DACH2: variants seen among roughly 807,000 people sequenced by gnomAD.
The protein encoded by DACH2 is dachshund family transcription factor 2.
Under a neutral mutation model 35.8 loss-of-function variants are expected in DACH2, and 17 were observed. The observed-to-expected ratio is 0.48, with a 90% CI of 0.33 to 0.71. DACH2 has a LOEUF of 0.71. Ranked by LOEUF, DACH2 falls within the 30% of genes least tolerant of loss-of-function variation. The pLI is 0.02. For synonymous variants in DACH2, 195 were observed against 177.3 expected (o/e 1.10, Z -0.79); for missense variants, 469 against 472.7 (o/e 0.99, Z 0.07).
rs552856267 is a variant in DACH2, at chrX:86,456,656, G to A, written c.528-57623G>A. Among the ~76,000 whole-genome samples, 18 of 110,125 alleles carry A rather than the reference G, an allele frequency of 1.6e-4. No homozygotes were observed. In the South Asian group the frequency reaches 2.3e-3, roughly 14 times the overall value. ...AAAATTATTTTCATTTATTCCTTCCGTAATGTTCTTTTTTTTTATGTAGAT... is the reference window on the plus strand; with the variant it reads ...AAAATTATTTTCATTTATTCCTTCCATAATGTTCTTTTTTTTTATGTAGAT... On this transcript the variant is annotated intron_variant, in intron 2 of 11. Coordinates refer to ENST00000373125, the MANE Select transcript of DACH2 (RefSeq NM_053281.3).
At chrX:86,257,075 A>T (rs2033534944) in intron 1 of DACH2, among the ~76,000 whole-genome samples, 1 of 111,730 alleles carries the variant, frequency 9.0e-6, no homozygotes, top group Admixed American at 9.5e-5. Context: ...TGTATGATGA[A>T]TACTTTTGTG....
At chrX:86,184,649 G>A (rs189446867) in intron 1 of DACH2, among the ~76,000 whole-genome samples, 1 of 111,444 alleles carries the variant, frequency 9.0e-6, no homozygotes, top group Non-Finnish European at 1.9e-5. Context: ...ACTTTATAAT[G>A]GTAAAATGAA....
At chrX:86,800,688 G>C (rs1288669323) in intron 7 of DACH2, among the ~76,000 whole-genome samples, 1 of 111,324 alleles carries the variant, frequency 9.0e-6, no homozygotes, top group East Asian at 2.8e-4. Context: ...TTTGTTTTTT[G>C]AGATGGAGTC....
chrX:86,728,174 G>A (rs900979684), intron 6 of DACH2, among the ~76,000 whole-genome samples: 2 of 111,931 alleles, frequency 1.8e-5, no homozygotes, highest in Non-Finnish European at 3.8e-5. Flanking sequence ...TTATACCTTA[G>A]CAAAGATCCT....
intron 6 of DACH2, among the ~76,000 whole-genome samples, chrX:86,727,336 A>G (rs2041481356): frequency 8.9e-6 from 1 of 111,992 alleles, no homozygotes; most frequent in East Asian, 2.8e-4. Context: ...AGACTAGGGC[A>G]CATTATAAAA....
chrX:86,705,863 T>C (rs2041210287), intron 5 of DACH2, among the ~76,000 whole-genome samples: 1 of 111,384 alleles, frequency 9.0e-6, no homozygotes, highest in African/African-American at 3.3e-5. Context: ...AACTGATGAG[T>C]AGATAAAGAT....
intron 3 of DACH2, among the ~76,000 whole-genome samples, chrX:86,610,402 TTTCTTTCTTTCTTTCTTTTCTTTC>T (rs1470814153): frequency 6.3e-4 from 54 of 86,317 alleles, no homozygotes; most frequent in African/African-American, 2.4e-3. Context: ...TCTTTCTTTC[TTTCTTTCTTTCTTTCTTTTCTTTC>T]TTTCTTTCTT....
intron 7 of DACH2, among the ~76,000 whole-genome samples, chrX:86,755,893 G>A (rs1000069576): frequency 6.3e-5 from 7 of 110,639 alleles, no homozygotes; most frequent in African/African-American, 1.6e-4. Context: ...CACCGTGCTC[G>A]GCCGACCTGA....
intron 7 of DACH2, among the ~76,000 whole-genome samples, chrX:86,809,145 C>A (rs2042372258): frequency 8.9e-6 from 1 of 111,739 alleles, no homozygotes; most frequent in Non-Finnish European, 1.9e-5. Context: ...ATGTCCTTGA[C>A]TAGATGGCAG....
chrX:86,569,635 C>T (rs2039339880), intron 3 of DACH2, among the ~76,000 whole-genome samples: 1 of 111,139 alleles, frequency 9.0e-6, no homozygotes, highest in Non-Finnish European at 1.9e-5. Flanking sequence ...ACTATAAAAA[C>T]CCTAGAAGAA....
intron 3 of DACH2, among the ~76,000 whole-genome samples, chrX:86,635,974 C>T (rs2040260636): frequency 8.9e-6 from 1 of 111,854 alleles, no homozygotes. Flanking sequence ...TTGATAGATT[C>T]AGTGCTATTC....
chrX:86,314,059 T>C (rs1269606512), intron 1 of DACH2, among the ~76,000 whole-genome samples: 1 of 110,793 alleles, frequency 9.0e-6, no homozygotes, highest in Non-Finnish European at 1.9e-5. Context: ...GTGTGTGTTC[T>C]CACTGGTCTA....
In DACH2 at chrX:86,816,227, C is replaced by A. The variant is rs1365576407; in HGVS notation, c.1750+128C>A. 1.4e-5 allele frequency: 5 copies of A among 366,163 alleles called. No individual in the cohort carries two copies. In the Admixed American group the frequency reaches 3.1e-4, roughly 22 times the overall value. 30.2% of individuals were successfully genotyped at this position (366,163 alleles called of 1,213,427 possible). A position where few individuals can be genotyped will look rare whatever the true frequency, so the allele number is the denominator to read the frequency against. On this transcript the variant is annotated intron_variant, in intron 11 of 11. Coordinates refer to ENST00000373125, the MANE Select transcript of DACH2 (RefSeq NM_053281.3). ...TATAAATAAAATAAATAAGTTTTGA[C>A]ACTTCTTACTTTATGACACAGGAAG...
chrX:86,440,597 A>T (rs1189608402), intron 2 of DACH2, among the ~76,000 whole-genome samples: 3 of 111,277 alleles, frequency 2.7e-5, no homozygotes, highest in Non-Finnish European at 3.8e-5. Flanking sequence ...ATGTATCTAG[A>T]CCATTGAAGT....
At chrX:86,236,474 A>C (rs1270820737) in intron 1 of DACH2, among the ~76,000 whole-genome samples, 3 of 112,294 alleles carry the variant, frequency 2.7e-5, no homozygotes. Context: ...AGAAATGCAT[A>C]ATTCGGCAAT....
At chrX:86,163,687 T>G (rs2030845177) in intron 1 of DACH2, among the ~76,000 whole-genome samples, 1 of 111,753 alleles carries the variant, frequency 8.9e-6, no homozygotes, top group Admixed American at 9.6e-5. Context: ...ATATGTGGTA[T>G]TTGGTTTTCT....
intron 3 of DACH2, among the ~76,000 whole-genome samples, chrX:86,605,612 G>T (rs1012006493): frequency 3.6e-5 from 4 of 110,030 alleles, no homozygotes; most frequent in Non-Finnish European, 5.7e-5. Context: ...AATAATTTTT[G>T]GCCATTTTCT....
At chrX:86,814,238 CTATAT>C (rs2042423638) in intron 9 of DACH2, among the ~76,000 whole-genome samples, 2 of 112,147 alleles carry the variant, frequency 1.8e-5, no homozygotes, top group Non-Finnish European at 3.8e-5. Context: ...GTTTTAAAGA[CTATAT>C]TTTGCAACCT....
At chrX:86,455,792 G>A (rs2037464475) in intron 2 of DACH2, among the ~76,000 whole-genome samples, 1 of 112,370 alleles carries the variant, frequency 8.9e-6, no homozygotes, top group Admixed American at 9.4e-5. Context: ...CTGTGGAAGT[G>A]GGGCCCACAG....
Sources: gnomAD v4.1 joint callset for allele counts (sites outside exome capture counted in the v4.1 genomes callset) on GRCh38, gnomAD v4.1.1 for gene constraint, MANE v1.5 for transcripts, NCBI Gene and HGNC (gene_info 2026-07-23, HGNC 2026-07-21) for gene names.